GPHN: variants seen among roughly 807,000 people sequenced by gnomAD.
The protein encoded by GPHN is gephyrin.
A neutral mutation model predicts 95.5 loss-of-function variants in GPHN; 17 were observed. The ratio of observed to expected loss-of-function variants is 0.18; its 90% CI spans 0.12 to 0.27. The LOEUF (loss-of-function observed/expected upper bound fraction) is 0.27. Ranked by LOEUF, GPHN falls within the 10% of genes least tolerant of loss-of-function variation. GPHN has a pLI of 1.00. For synonymous variants in GPHN, 320 were observed against 322.5 expected (o/e 0.99, Z 0.08); for missense variants, 660 against 978.1 (o/e 0.67, Z 4.34).
At chr14:67,627,225 TAAA>T in the GPHN span, among the ~76,000 whole-genome samples, 8 of 144,688 alleles carry the variant, frequency 5.5e-5, no homozygotes, top group South Asian at 1.1e-3. Flanking sequence ...TCTCAATAAT[TAAA>T]AAACTAGGCA....
At chr14:66,745,332 A>G (rs928868743) in intron 2 of GPHN, among the ~76,000 whole-genome samples, 17 of 152,086 alleles carry the variant, frequency 1.1e-4, no homozygotes, top group African/African-American at 4.1e-4. Flanking sequence ...TGTTTCAGAC[A>G]TAGTGACACT....
chr14:66,755,362 C>A (rs923972073), intron 2 of GPHN, among the ~76,000 whole-genome samples: 3 of 152,058 alleles, frequency 2.0e-5, no homozygotes, highest in South Asian at 2.1e-4. Context: ...ATTTATGTCA[C>A]AAATGTGGCT....
intron 4 of GPHN, among the ~76,000 whole-genome samples, chr14:66,833,976 C>G (rs982257083): frequency 6.6e-6 from 1 of 152,122 alleles, no homozygotes. Context: ...CCCTAGCATG[C>G]CCTTTTCATC....
rs971969670 is a variant in GPHN at position 66,648,140 on chromosome 14, T to C, written c.65-32967T>C. Among the ~76,000 whole-genome samples, 6 of 152,190 alleles carry C rather than the reference T, an allele frequency of 3.9e-5. No individual in the cohort carries two copies. In the South Asian group the frequency reaches 1.2e-3, roughly 31 times the overall value. ...TTTTAACTGTGTTCACTTGGAGATA[T>C]TCTATAGTGCTTTGACTCTGGTTTA... On this transcript the variant is annotated intron_variant, in intron 1 of 22. Coordinates refer to ENST00000478722, the MANE Select transcript of GPHN (RefSeq NM_020806.5).
rs573848365 is a variant in GPHN, at chr14:66,781,583, TC to T, written c.201+5065del. Among the ~76,000 whole-genome samples the T allele has an allele frequency of 2.0e-3, 308 of 152,330 alleles. 3 individuals carry two copies. The highest frequency in any genetic ancestry group is 7.2e-3 in the African/African-American group (299 of 41,582). On this transcript the variant is annotated intron_variant, in intron 3 of 22. Transcript: ENST00000478722. ...TTCCGTTTTACCAACTATATACACA[TC>T]CCTAAACATTACAATTCATGTTTGC... is the stretch of plus-strand genomic sequence containing the variant.
chr14:67,654,353 G>A, the GPHN span, among the ~76,000 whole-genome samples: 2 of 151,916 alleles, frequency 1.3e-5, no homozygotes, highest in South Asian at 4.2e-4. Flanking sequence ...ATGTTGCCCA[G>A]GCTGGTTTCA....
chr14:66,975,717 A>C (rs916567084), intron 9 of GPHN, among the ~76,000 whole-genome samples: 2 of 141,148 alleles, frequency 1.4e-5, no homozygotes, highest in Non-Finnish European at 3.1e-5. Context: ...CTGTCTCTAC[A>C]AAAAAAAAAA....
chr14:66,643,491 T>C (rs1184829906), intron 1 of GPHN, among the ~76,000 whole-genome samples: 4 of 152,192 alleles, frequency 2.6e-5, no homozygotes, highest in Admixed American at 1.3e-4. Flanking sequence ...TGTCTACTTA[T>C]AGTAGAATGG....
At chr14:67,490,274 T>A in the GPHN span, among the ~76,000 whole-genome samples, 1 of 152,074 alleles carries the variant, frequency 6.6e-6, no homozygotes, top group Non-Finnish European at 1.5e-5. Flanking sequence ...GTGTGCTCAC[T>A]CTCCTTTCTC....
At chr14:67,367,876 G>A in the GPHN span, among the ~76,000 whole-genome samples, 2 of 151,942 alleles carry the variant, frequency 1.3e-5, no homozygotes, top group African/African-American at 4.8e-5. Flanking sequence ...TCTTTAAGCT[G>A]AAGAGATGTG....
intron 1 of GPHN, among the ~76,000 whole-genome samples, chr14:66,575,591 A>C (rs2060869008): frequency 6.6e-6 from 1 of 152,152 alleles, no homozygotes; most frequent in Admixed American, 6.5e-5. Flanking sequence ...CTTAGTGCCC[A>C]TGTCAGCAGT....
At chr14:67,006,035 A>G (rs142930428) in intron 9 of GPHN, among the ~76,000 whole-genome samples, 2 of 150,004 alleles carry the variant, frequency 1.3e-5, no homozygotes, top group African/African-American at 5.0e-5. Flanking sequence ...GAAGGAGAAA[A>G]TAAAAGGAAG....
chr14:67,554,640 C>T, the GPHN span, among the ~76,000 whole-genome samples: 2 of 152,198 alleles, frequency 1.3e-5, no homozygotes, highest in African/African-American at 2.4e-5. Context: ...GGGCAGCACA[C>T]GGTGGTGCCC....
intron 2 of GPHN, among the ~76,000 whole-genome samples, chr14:66,743,888 G>A (rs1436673549): frequency 6.6e-6 from 1 of 152,126 alleles, no homozygotes; most frequent in African/African-American, 2.4e-5. Flanking sequence ...GTCACCATAT[G>A]GATAAATCAC....
the GPHN span, chr14:67,334,813 A>C: frequency 1.3e-5 from 2 of 152,204 alleles, no homozygotes; most frequent in East Asian, 3.8e-4. Context: ...CTTAGCACTT[A>C]CTTAATCTTT....
chr14:67,635,546 A>G, the GPHN span, among the ~76,000 whole-genome samples: 1 of 152,230 alleles, frequency 6.6e-6, no homozygotes, highest in African/African-American at 2.4e-5. Context: ...ATTAGCAGTC[A>G]CATCCCTTTA....
At chr14:66,676,849 T>C (rs1407754362) in intron 1 of GPHN, among the ~76,000 whole-genome samples, 2 of 152,016 alleles carry the variant, frequency 1.3e-5, no homozygotes, top group Non-Finnish European at 2.9e-5. Flanking sequence ...TTAGGAAGAA[T>C]TTCCACCTTT....
chr14:66,940,877 G>A (rs2067389951), intron 8 of GPHN, among the ~76,000 whole-genome samples: 4 of 152,248 alleles, frequency 2.6e-5, no homozygotes. Flanking sequence ...CTCCAACAAG[G>A]GAGAGAAAAG....
chr14:67,734,306 C>T, the GPHN span: 1 of 173,476 alleles, frequency 5.8e-6, no homozygotes, highest in Non-Finnish European at 1.3e-5. Context: ...TAGACCAACA[C>T]ACAAAGATCC....
Sources: allele counts gnomAD v4.1 joint callset (sites outside exome capture counted in the v4.1 genomes callset), GRCh38; gene constraint gnomAD v4.1.1; transcripts MANE v1.5; gene names NCBI Gene and HGNC (gene_info 2026-07-23, HGNC 2026-07-21).